The following TANC2 variants were observed in gnomAD, a reference collection of about 807,000 sequenced individuals.
TANC2 encodes the protein protein TANC2.
A neutral mutation model predicts 210.5 loss-of-function variants in TANC2; 26 were observed. The observed-to-expected ratio is 0.12, with a 90% CI of 0.09 to 0.17. The LOEUF (loss-of-function observed/expected upper bound fraction) is 0.17. TANC2 is among the 10% of genes least tolerant of loss of function. The probability of loss-of-function intolerance (pLI) is 1.00; values close to 1 mark genes in which losing one functional copy is unlikely to be tolerated. For synonymous variants in TANC2, 931 were observed against 967.1 expected, an observed-to-expected ratio of 0.96 and a Z score of 0.69; for missense variants, 2,129 against 2,608.9, an observed-to-expected ratio of 0.82 and a Z score of 4.01.
chr17:63,271,765 G>T (rs550685136), intron 9 of TANC2, among the ~76,000 whole-genome samples: 21 of 151,346 alleles, frequency 1.4e-4, no homozygotes, highest in Admixed American at 1.1e-3. Flanking sequence ...TTTTAATAGG[G>T]TTATCTGTTT....
At chr17:63,021,853 C>A (rs1477727181) in intron 2 of TANC2, among the ~76,000 whole-genome samples, 1 of 152,100 alleles carries the variant, frequency 6.6e-6, no homozygotes, top group Non-Finnish European at 1.5e-5. Flanking sequence ...TCTGGAACTT[C>A]TTTGAGATTA....
At chr17:63,354,734 G>T in intron 13 of TANC2, 49 bp from the exon 14 acceptor site, 1 of 1,522,548 alleles carries the variant, frequency 6.6e-7, no homozygotes, top group South Asian at 1.3e-5. Flanking sequence ...ACAAGAGTTA[G>T]GGGAAACTGA....
intron 4 of TANC2, among the ~76,000 whole-genome samples, chr17:63,112,983 G>T (rs756573390): frequency 6.6e-6 from 1 of 152,088 alleles, no homozygotes; most frequent in African/African-American, 2.4e-5. Context: ...AATTGACCTT[G>T]TCCTTCTTTA....
rs73994416 is a variant in TANC2, at chr17:63,281,260, G to A, written c.1159+13387G>A. Among the ~76,000 whole-genome samples, 703 of 152,208 alleles carry A rather than the reference G, an allele frequency of 4.6e-3. 9 individuals carry two copies. The highest frequency in any genetic ancestry group is 0.016 in the African/African-American group (666 of 41,538). On this transcript the variant is annotated intron_variant, in intron 9 of 27. Coordinates refer to ENST00000689528, the Ensembl canonical transcript of TANC2. ...AATCTGTGGATGGCTTCAGGTGGCA[G>A]AAAGCCACAGCTTTACTTACTTGAA...
In TANC2 at chr17:63,187,176, ATGGTGAGAGACTGGACT is replaced by A. The variant is rs200461309; in HGVS notation, c.434-6811_434-6795del. Among the ~76,000 whole-genome samples the A allele has an allele frequency of 4.6e-5, 7 of 152,318 alleles. No homozygotes were observed. In the East Asian group the frequency reaches 1.2e-3, roughly 25 times the overall value. ...GAGCTGGGGACTGATGCCTGGCAAT[ATGGTGAGAGACTGGACT>A]TGGAGATGACGGTATAACTTAGGAG... is the stretch of plus-strand genomic sequence containing the variant. On this transcript the variant is annotated intron_variant, in intron 5 of 27. Coordinates refer to ENST00000689528, the Ensembl canonical transcript of TANC2.
intron 11 of TANC2, among the ~76,000 whole-genome samples, chr17:63,337,466 A>G (rs2046071476): frequency 6.6e-6 from 1 of 151,986 alleles, no homozygotes; most frequent in African/African-American, 2.4e-5. Context: ...AGATAACTAT[A>G]TATTTTAATA....
At chr17:63,168,754 A>C (rs2040299584) in intron 5 of TANC2, among the ~76,000 whole-genome samples, 1 of 152,126 alleles carries the variant, frequency 6.6e-6, no homozygotes, top group African/African-American at 2.4e-5. Context: ...GGGATTCCTT[A>C]CTTTTTTTTA....
intron 26 of TANC2, among the ~76,000 whole-genome samples, chr17:63,416,284 A>C (rs1170954437): frequency 6.6e-6 from 1 of 152,064 alleles, no homozygotes. Flanking sequence ...ACATGTCCCC[A>C]GACACTGCTC....
chr17:63,199,086 G>T (rs897718355), intron 6 of TANC2, among the ~76,000 whole-genome samples: 2 of 152,130 alleles, frequency 1.3e-5, no homozygotes, highest in African/African-American at 4.8e-5. Context: ...CAACAGAGAT[G>T]ATTAAACACA....
At chr17:63,056,730 G>A (rs1478738067) in intron 2 of TANC2, among the ~76,000 whole-genome samples, 2 of 152,056 alleles carry the variant, frequency 1.3e-5, no homozygotes, top group East Asian at 3.8e-4. Flanking sequence ...TGTCAAAATT[G>A]GTGACTTTTT....
intron 14 of TANC2, among the ~76,000 whole-genome samples, chr17:63,367,646 A>G (rs1201276798): frequency 6.6e-6 from 1 of 152,204 alleles, no homozygotes; most frequent in Non-Finnish European, 1.5e-5. Context: ...TATGGGTTGA[A>G]TTCTGTTAAG....
intron 5 of TANC2, among the ~76,000 whole-genome samples, chr17:63,185,706 A>G (rs1379377589): frequency 1.3e-5 from 2 of 152,174 alleles, no homozygotes; most frequent in African/African-American, 4.8e-5. Flanking sequence ...TGCACTGTAT[A>G]TGTGTAGCAG....
intron 7 of TANC2, among the ~76,000 whole-genome samples, chr17:63,205,438 C>T (rs1186166813): frequency 7.1e-6 from 1 of 141,070 alleles, no homozygotes; most frequent in Non-Finnish European, 1.5e-5. Context: ...GAAAGACATC[C>T]TGTATTCATG....
intron 3 of TANC2, among the ~76,000 whole-genome samples, chr17:63,081,527 T>G (rs1295426396): frequency 6.6e-6 from 1 of 152,176 alleles, no homozygotes; most frequent in Non-Finnish European, 1.5e-5. Flanking sequence ...GTTTTAGTTC[T>G]CCCCTTCTCT....
intron 5 of TANC2, among the ~76,000 whole-genome samples, chr17:63,189,391 G>A (rs1395559438): frequency 6.6e-6 from 1 of 152,142 alleles, no homozygotes; most frequent in African/African-American, 2.4e-5. Context: ...ATTATTGTAT[G>A]AAGGTTCCAA....
At chr17:63,194,163 G>C in intron 6 of TANC2, 24 bp downstream of exon 6, 1 of 1,603,930 alleles carries the variant, frequency 6.2e-7, no homozygotes, top group Non-Finnish European at 8.5e-7. Context: ...TATCACCTTT[G>C]TGAAACATGG....
At chr17:63,091,965 T>C (rs1471202941) in intron 3 of TANC2, among the ~76,000 whole-genome samples, 1 of 152,216 alleles carries the variant, frequency 6.6e-6, no homozygotes, top group Non-Finnish European at 1.5e-5. Context: ...TTTTATTCTC[T>C]TTGTAGCAAT....
chr17:63,375,552 G>A (rs762101956), intron 14 of TANC2, among the ~76,000 whole-genome samples: 12 of 152,192 alleles, frequency 7.9e-5, no homozygotes, highest in Non-Finnish European at 1.5e-4. Flanking sequence ...ATAGATAGTG[G>A]ATCAGAGACT....
chr17:63,219,163 T>G (rs2042102905), intron 7 of TANC2, among the ~76,000 whole-genome samples: 1 of 152,202 alleles, frequency 6.6e-6, no homozygotes. Flanking sequence ...TCCATACTGT[T>G]AAGATGTCAA....
Sources: gnomAD v4.1 joint callset for allele counts (sites outside exome capture counted in the v4.1 genomes callset) on GRCh38, gnomAD v4.1.1 for gene constraint, MANE v1.5 for transcripts, NCBI Gene and HGNC (gene_info 2026-07-23, HGNC 2026-07-21) for gene names.